The following PPFIBP1 variants were observed in gnomAD, a reference collection of about 807,000 sequenced individuals.
PPFIBP1 encodes the protein liprin-beta-1.
In PPFIBP1, 112 loss-of-function variants were observed where a neutral mutation model predicts 137.8. The observed-to-expected ratio is 0.81, with a 90% CI of 0.70 to 0.95. The LOEUF is 0.95. Among genes scored for constraint, PPFIBP1 ranks in the 40% least tolerant of loss-of-function variants. The pLI is 0.00. For missense variants in PPFIBP1, 1,083 were observed against 1,196.6 expected, an observed-to-expected ratio of 0.91 and a Z score of 1.40; for synonymous variants, 378 against 417.3, an observed-to-expected ratio of 0.91 and a Z score of 1.15.
chr12:27,646,311 G>C (rs1349313898), intron 5 of PPFIBP1, 163 bp downstream of exon 5: 1 of 666,282 alleles, frequency 1.5e-6, no homozygotes, highest in Non-Finnish European at 2.7e-6. Flanking sequence ...GGGGCAGAAT[G>C]ATGGTGTTTA....
chr12:27,577,884 G>C (rs1396966090), intron 1 of PPFIBP1, among the ~76,000 whole-genome samples: 1 of 152,120 alleles, frequency 6.6e-6, no homozygotes, highest in Non-Finnish European at 1.5e-5. Context: ...GGCTTCAGCA[G>C]AAAAATTAGT....
chr12:27,650,593 A>G (rs1168234847), intron 7 of PPFIBP1, among the ~76,000 whole-genome samples: 4 of 152,220 alleles, frequency 2.6e-5, no homozygotes, highest in Admixed American at 1.3e-4. Context: ...AATCACAGAC[A>G]GAGCTTTTTT....
intron 2 of PPFIBP1, among the ~76,000 whole-genome samples, chr12:27,587,743 TTC>T (rs2051960005): frequency 6.6e-6 from 1 of 152,186 alleles, no homozygotes; most frequent in Admixed American, 6.5e-5. Context: ...CATCTTTGTT[TTC>T]TCTCTGTCTT....
intron 2 of PPFIBP1, among the ~76,000 whole-genome samples, chr12:27,600,205 AG>A: frequency 6.6e-6 from 1 of 152,252 alleles, no homozygotes; most frequent in East Asian, 1.9e-4. Context: ...TGGGAGGTCG[AG>A]GCATGTGGAT....
intron 1 of PPFIBP1, among the ~76,000 whole-genome samples, chr12:27,528,512 T>C (rs989287172): frequency 3.9e-5 from 6 of 152,176 alleles, no homozygotes; most frequent in Non-Finnish European, 4.4e-5. Flanking sequence ...CCGCAAAAAT[T>C]GATGCTGCGT....
chr12:27,540,229 T>C (rs1459812005), intron 1 of PPFIBP1, among the ~76,000 whole-genome samples: 1 of 151,904 alleles, frequency 6.6e-6, no homozygotes, highest in Non-Finnish European at 1.5e-5. Context: ...GCTAATTTTT[T>C]TTTTTTTGTA....
intron 27 of PPFIBP1, 21 bp downstream of exon 27, chr12:27,689,224 T>A: frequency 6.6e-7 from 1 of 1,512,680 alleles, no homozygotes; most frequent in East Asian, 2.4e-5. Context: ...GCTCATACGG[T>A]TTAATAATTG....
chr12:27,559,469 T>C (rs575009865), intron 1 of PPFIBP1, among the ~76,000 whole-genome samples: 1 of 152,328 alleles, frequency 6.6e-6, no homozygotes, highest in Non-Finnish European at 1.5e-5. Flanking sequence ...GCCCGACCCA[T>C]AATAGTGATT....
Position 27,682,683 on chromosome 12 carries a change from A to G in PPFIBP1, c.2227A>G (p.Met743Val), listed in dbSNP as rs749462323. ...QFDEGRVDGR[M>V]LHYMTVDDLL... ...TGATGAAGGACGGGTTGATGGTCGAATGCTACATTACATGACTGTTGTAAG... is the reference window on the plus strand; with the variant it reads ...TGATGAAGGACGGGTTGATGGTCGAGTGCTACATTACATGACTGTTGTAAG... Residue 743 changes from methionine (M) to valine (V), a missense_variant, in exon 24 of 30, where the codon ATG becomes GTG. Transcript: ENST00000228425. 11 of 1,614,054 alleles carry G rather than the reference A, an allele frequency of 6.8e-6. No homozygotes were observed. The African/African-American group carries it at 1.3e-4, about 20-fold the overall frequency.
At chr12:27,585,749 A>G (rs1370745027) in intron 2 of PPFIBP1, among the ~76,000 whole-genome samples, 2 of 152,226 alleles carry the variant, frequency 1.3e-5, no homozygotes, top group Non-Finnish European at 2.9e-5. Context: ...GAGGAGCTTC[A>G]ATATAACCTG....
intron 1 of PPFIBP1, among the ~76,000 whole-genome samples, chr12:27,525,538 TA>T (rs1943641349): frequency 7.4e-6 from 1 of 134,260 alleles, no homozygotes; most frequent in South Asian, 2.4e-4. Context: ...AAAAAAAAAG[TA>T]AGCGCTGAGA....
At chr12:27,580,573 T>C (rs1226710244) in intron 2 of PPFIBP1, among the ~76,000 whole-genome samples, 1 of 152,234 alleles carries the variant, frequency 6.6e-6, no homozygotes, top group Non-Finnish European at 1.5e-5. Context: ...TTCTCATTCT[T>C]GTTACTAAGA....
chr12:27,639,901 C>G (rs6487622), intron 4 of PPFIBP1, among the ~76,000 whole-genome samples: 1 of 151,964 alleles, frequency 6.6e-6, no homozygotes, highest in Non-Finnish European at 1.5e-5. Context: ...CCCCACGAAG[C>G]AGTCCCCGTC....
intron 2 of PPFIBP1, among the ~76,000 whole-genome samples, chr12:27,610,068 C>T (rs1339924060): frequency 6.6e-6 from 1 of 152,098 alleles, no homozygotes; most frequent in Non-Finnish European, 1.5e-5. Context: ...GGTGTCTGTG[C>T]ACCCAGGGTG....
chr12:27,671,202 G>A (rs1043958813), intron 13 of PPFIBP1, among the ~76,000 whole-genome samples: 8 of 152,114 alleles, frequency 5.3e-5, no homozygotes, highest in African/African-American at 1.9e-4. Context: ...ACAATATTCA[G>A]TGTCTTATTC....
intron 2 of PPFIBP1, among the ~76,000 whole-genome samples, chr12:27,605,312 C>G (rs1031556036): frequency 7.9e-5 from 12 of 151,980 alleles, no homozygotes; most frequent in African/African-American, 2.4e-4. Context: ...TAAAACCTAC[C>G]AAGAGCAAAA....
At chr12:27,640,310 C>T (rs2058022963) in intron 4 of PPFIBP1, among the ~76,000 whole-genome samples, 1 of 152,144 alleles carries the variant, frequency 6.6e-6, no homozygotes, top group Non-Finnish European at 1.5e-5. Context: ...ACAATAGGGA[C>T]TTTTTCTTGG....
intron 1 of PPFIBP1, among the ~76,000 whole-genome samples, chr12:27,554,412 A>G (rs1842730192): frequency 6.6e-6 from 1 of 152,244 alleles, no homozygotes; most frequent in African/African-American, 2.4e-5. Context: ...CAGTATTTTT[A>G]TCAGTGATTG....
Position 27,688,416 on chromosome 12 carries a change from G to C in PPFIBP1, c.2489G>C (p.Gly830Ala). 3.1e-6 allele frequency: 5 copies of C among 1,613,792 alleles called. No individual in the cohort carries two copies. Among genetic ancestry groups the C allele is most frequent in the Non-Finnish European group, 4.2e-6 (5 of 1,179,916 alleles). Residue 830 changes from glycine to alanine, a missense_variant, in exon 26 of 30, where the codon GGG becomes GCG. By Grantham distance (60) the Gly-to-Ala change is moderately conservative. Coordinates refer to ENST00000228425, the MANE Select transcript of PPFIBP1 (RefSeq NM_003622.4). ...PNLRGSGVHGGLMVLEPRFNV... is the reference protein window; with the variant it reads ...PNLRGSGVHGALMVLEPRFNV... ...CTCAGAGGCAGTGGTGTCCATGGTG[G>C]GCTCATGGTAAAGCTCTGATTTAAT...
Sources: allele counts gnomAD v4.1 joint callset (sites outside exome capture counted in the v4.1 genomes callset), GRCh38; gene constraint gnomAD v4.1.1; transcripts MANE v1.5; gene names NCBI Gene and HGNC (gene_info 2026-07-23, HGNC 2026-07-21).